Variants in PXDNL observed in about 807,000 individuals in gnomAD.
PXDNL encodes the protein probable oxidoreductase PXDNL.
A neutral mutation model predicts 150.8 loss-of-function variants in PXDNL; 145 were observed. That is an observed-to-expected ratio of 0.96 (90% CI 0.84 to 1.10). The LOEUF is 1.10. Among genes scored for constraint, PXDNL ranks in the 50% least tolerant of loss-of-function variants. The probability of loss-of-function intolerance (pLI) is 0.00; values close to 1 mark genes in which losing one functional copy is unlikely to be tolerated. For synonymous variants in PXDNL, 757 were observed against 725.7 expected (o/e 1.04, Z -0.69); for missense variants, 2,087 against 1,873.9 (o/e 1.11, Z -2.10).
chr8:51,748,438 C>T (rs1243360359), intron 1 of PXDNL, among the ~76,000 whole-genome samples: 5 of 152,132 alleles, frequency 3.3e-5, no homozygotes, highest in Non-Finnish European at 7.4e-5. Context: ...CGGTGAGCAG[C>T]TCAAACCCTG....
At position 51,564,480 on chromosome 8, in the gene PXDNL, A is replaced by G. The variant is rs189074605; in HGVS notation, c.309-7569T>C. On this transcript the variant is annotated intron_variant, in intron 3 of 22. Transcript: ENST00000356297. Reference sequence around the variant, plus strand: ...ATTTTGCCACCCAGATAATAAGCCTAGTGCTCATTAGGGAGTTTTTCCATG... The same window carrying G: ...ATTTTGCCACCCAGATAATAAGCCTGGTGCTCATTAGGGAGTTTTTCCATG... 7.6e-4 allele frequency among the ~76,000 whole-genome samples: 115 copies of G among 151,898 alleles called. 1 individual carries two copies. Among genetic ancestry groups the G allele is most frequent in the African/African-American group, 2.6e-3 (109 of 41,474 alleles).
chr8:51,468,548 T>C (rs930713155), intron 8 of PXDNL, among the ~76,000 whole-genome samples: 10 of 152,092 alleles, frequency 6.6e-5, no homozygotes, highest in African/African-American at 2.4e-4. Flanking sequence ...TTCAATATTA[T>C]GTCTTCCAAT....
At position 51,411,980 on chromosome 8, in the gene PXDNL, T is replaced by C. The variant is rs1448168958; in HGVS notation, c.1905-573A>G. ...ATGTACTTGAATTGCTGACATATTG[T>C]CTCCTCTGCTAAAGAAAGAACTAGG... On this transcript the variant is annotated intron_variant, in intron 15 of 22. Coordinates refer to ENST00000356297, the MANE Select transcript of PXDNL (RefSeq NM_144651.5). Among the ~76,000 whole-genome samples, 10 of 152,190 alleles carry C rather than the reference T, an allele frequency of 6.6e-5. 1 individual carries two copies. Among genetic ancestry groups the C allele is most frequent in the Admixed American group, 5.9e-4 (9 of 15,292 alleles).
At chr8:51,668,176 C>CTTTTTTTTTTTTTTT (rs71550279) in intron 1 of PXDNL, among the ~76,000 whole-genome samples, 2,352 of 77,266 alleles carry the variant, frequency 0.03, 323 homozygotes, top group East Asian at 0.048. Context: ...CTCGCTCTCT[C>CTTTTTTTTTTTTTTT]TTTTTTTTTT....
chr8:51,577,971 GA>G (rs1373811917), intron 3 of PXDNL, among the ~76,000 whole-genome samples: 1 of 91,994 alleles, frequency 1.1e-5, no homozygotes, highest in Non-Finnish European at 2.2e-5. Flanking sequence ...AAGAAAGAAA[GA>G]AAGAAAGAAA....
intron 2 of PXDNL, among the ~76,000 whole-genome samples, chr8:51,605,046 G>A (rs13277725): frequency 0.084 from 12,821 of 152,136 alleles, 622 homozygotes; most frequent in South Asian, 0.095. Context: ...TATCTTCTAA[G>A]TTTTAGAATT....
chr8:51,726,627 T>C (rs562313002), intron 1 of PXDNL, among the ~76,000 whole-genome samples: 59 of 152,354 alleles, frequency 3.9e-4, no homozygotes, highest in African/African-American at 1.4e-3. Context: ...GGTTAGAAGA[T>C]AGCAGATTCC....
chr8:51,529,474 G>T (rs755588180), intron 4 of PXDNL, among the ~76,000 whole-genome samples: 9 of 152,128 alleles, frequency 5.9e-5, no homozygotes, highest in Non-Finnish European at 7.3e-5. Context: ...CCTCCCCTAG[G>T]ACCTTGTAAT....
chr8:51,683,497 G>T (rs931484603), intron 1 of PXDNL, among the ~76,000 whole-genome samples: 2 of 151,822 alleles, frequency 1.3e-5, no homozygotes, highest in Non-Finnish European at 2.9e-5. Context: ...TTGGGGAGAG[G>T]GGAATGGGGA....
chr8:51,626,875 A>C (rs544209943), intron 2 of PXDNL, among the ~76,000 whole-genome samples: 1 of 152,304 alleles, frequency 6.6e-6, no homozygotes, highest in South Asian at 2.1e-4. Context: ...TGGCAGAAAG[A>C]ATCAAAGCTG....
intron 1 of PXDNL, among the ~76,000 whole-genome samples, chr8:51,663,741 C>A (rs1815324174): frequency 6.6e-6 from 1 of 152,152 alleles, no homozygotes; most frequent in Non-Finnish European, 1.5e-5. Flanking sequence ...GTAGCCCTCT[C>A]TTACAGGTCA....
At chr8:51,509,272 CA>C (rs1364621900) in intron 4 of PXDNL, among the ~76,000 whole-genome samples, 1 of 152,176 alleles carries the variant, frequency 6.6e-6, no homozygotes, top group East Asian at 1.9e-4. Flanking sequence ...GTGTCAAATA[CA>C]TTTTTATAAA....
At chr8:51,342,739 T>C (rs1016394568) in intron 20 of PXDNL, among the ~76,000 whole-genome samples, 5 of 152,142 alleles carry the variant, frequency 3.3e-5, no homozygotes, top group African/African-American at 1.2e-4. Flanking sequence ...GCACTCTGTG[T>C]CACTTAACTG....
At chr8:51,566,357 A>T (rs1218303675) in intron 3 of PXDNL, among the ~76,000 whole-genome samples, 1 of 151,802 alleles carries the variant, frequency 6.6e-6, no homozygotes, top group Non-Finnish European at 1.5e-5. Flanking sequence ...CAAATTATAG[A>T]TAATTAACGT....
chr8:51,784,729 G>A (rs1239293705), intron 1 of PXDNL, among the ~76,000 whole-genome samples: 1 of 111,428 alleles, frequency 9.0e-6, no homozygotes, highest in Non-Finnish European at 2.3e-5. Context: ...AATTTTTCCT[G>A]CAGTTAGAAA....
At chr8:51,743,813 G>A (rs1424980817) in intron 1 of PXDNL, among the ~76,000 whole-genome samples, 2 of 151,742 alleles carry the variant, frequency 1.3e-5, no homozygotes, top group African/African-American at 4.8e-5. Flanking sequence ...ACAGTGCCCG[G>A]CCCCTACTTT....
chr8:51,455,184 TC>T (rs996269695), intron 9 of PXDNL, among the ~76,000 whole-genome samples: 26 of 151,226 alleles, frequency 1.7e-4, no homozygotes, highest in African/African-American at 5.3e-4. Flanking sequence ...AAATAAATGT[TC>T]CGAGGTAAGT....
intron 3 of PXDNL, among the ~76,000 whole-genome samples, chr8:51,590,420 C>A (rs1813417615): frequency 6.6e-6 from 1 of 151,990 alleles, no homozygotes; most frequent in African/African-American, 2.4e-5. Context: ...AGAGTGGAAA[C>A]TCCGGCCTGG....
chr8:51,409,081 C>T lies in PXDNL; in HGVS notation c.2543G>A (p.Arg848Gln), dbSNP rs1554536413. The change falls in exon 17 of 23, where the codon CGG (arginine) becomes CAG (glutamine). Residue 848 changes from arginine (R) to glutamine (Q), a missense_variant. Arg to Gln is a conservative substitution (Grantham distance 43). Coordinates refer to ENST00000356297, the MANE Select transcript of PXDNL (RefSeq NM_144651.5). ...NDPPCFPMNT[R>Q]HADPRGTHAP... is the part of the protein sequence containing the mutation. ...GTGGGTGCCCCGGGGGTCGGCGTGC[C>T]GGGTGTTCATGGGGAAACAAGGAGG... 2 of 1,609,476 alleles carry T rather than the reference C, an allele frequency of 1.2e-6. No individual in the cohort carries two copies. The highest frequency in any genetic ancestry group is 1.7e-6 in the Non-Finnish European group (2 of 1,179,458).
Sources: allele counts gnomAD v4.1 joint callset (sites outside exome capture counted in the v4.1 genomes callset), GRCh38; gene constraint gnomAD v4.1.1; transcripts MANE v1.5; gene names NCBI Gene and HGNC (gene_info 2026-07-23, HGNC 2026-07-21).